Variants in KNDC1 observed in about 807,000 individuals in gnomAD.
The protein encoded by KNDC1 is kinase non-catalytic C-lobe domain containing 1.
KNDC1 carries 106 observed loss-of-function variants against 172.8 expected under a neutral mutation model. The observed-to-expected ratio is 0.61, with a 90% CI of 0.52 to 0.72. KNDC1 has a LOEUF of 0.72. Ranked by LOEUF, KNDC1 falls within the 30% of genes least tolerant of loss-of-function variation. The probability of loss-of-function intolerance (pLI) is 0.00; values close to 1 mark genes in which losing one functional copy is unlikely to be tolerated. For synonymous variants in KNDC1, 1,083 were observed against 1,062.2 expected (o/e 1.02, Z -0.38); for missense variants, 2,325 against 2,394.5 (o/e 0.97, Z 0.61).
chr10:133,175,603 A>ATGGG (rs1376615430), intron 3 of KNDC1, among the ~76,000 whole-genome samples: 2 of 145,366 alleles, frequency 1.4e-5, no homozygotes, highest in Non-Finnish European at 1.5e-5. Context: ...GGATGGATGG[A>ATGGG]TGGGTGGATG....
intron 3 of KNDC1, among the ~76,000 whole-genome samples, chr10:133,176,781 G>A (rs1402955792): frequency 6.6e-6 from 1 of 152,196 alleles, no homozygotes; most frequent in Non-Finnish European, 1.5e-5. Context: ...GGCTGTGCTT[G>A]GTGCTGCTCA....
Position 133,206,534 on chromosome 10 carries a change from C to T in KNDC1, c.3388-151C>T, listed in dbSNP as rs1320423666. ...ACACTGCCCAGGCCGGGGCTGGCCT[C>T]GCTGGCTGAGTGGGCCTCTGTCTCC... On this transcript the variant is annotated intron_variant, in intron 17 of 29. Transcript: ENST00000304613. The T allele has an allele frequency of 1.4e-4, 98 of 707,514 alleles. 1 individual carries two copies. The Admixed American group carries it at 2.1e-3, about 15-fold the overall frequency. The allele number at this position is 707,514 out of a possible 1,614,324, so 43.8% of individuals were successfully genotyped here.
In KNDC1 at chr10:133,209,585, G is replaced by A. The variant is rs1014092522; in HGVS notation, c.3795-1026G>A. Among the ~76,000 whole-genome samples, 7 of 151,998 alleles carry A rather than the reference G, an allele frequency of 4.6e-5. No individual in the cohort carries two copies. The highest frequency in any genetic ancestry group is 1.2e-4 in the African/African-American group (5 of 41,354). On this transcript the variant is annotated intron_variant, in intron 20 of 29. Coordinates refer to ENST00000304613, the MANE Select transcript of KNDC1 (RefSeq NM_152643.8). The surrounding 1 kb of genome is among the most constrained non-coding windows in gnomAD (Gnocchi z 4.9). Reference sequence around the variant, plus strand: ...GTGTGGCTTTGTCCACGTGTGTGGCGTGCGTGTCTGTGGTTGTACAGTTTG... The same window carrying A: ...GTGTGGCTTTGTCCACGTGTGTGGCATGCGTGTCTGTGGTTGTACAGTTTG...
At chr10:133,222,240 G>A (rs919543574) in intron 29 of KNDC1, among the ~76,000 whole-genome samples, 61 of 145,982 alleles carry the variant, frequency 4.2e-4, no homozygotes, top group African/African-American at 1.4e-3. Context: ...CCGAGATCGC[G>A]CCACCGCACT....
rs190239812 is a variant in KNDC1 at position 133,192,572 on chromosome 10, G to A, written c.1575+2759G>A. Among the ~76,000 whole-genome samples the A allele has an allele frequency of 8.5e-5, 13 of 152,186 alleles. No homozygotes were observed. The East Asian group carries it at 2.3e-3, about 27-fold the overall frequency. On this transcript the variant is annotated intron_variant, in intron 9 of 29. Coordinates refer to ENST00000304613, the MANE Select transcript of KNDC1 (RefSeq NM_152643.8). Reference sequence around the variant, plus strand: ...AAACACGCTTGAAACAAATGAAAAAGTTTCAGCAAAGAAATACAAAGTTTC... The same window carrying A: ...AAACACGCTTGAAACAAATGAAAAAATTTCAGCAAAGAAATACAAAGTTTC...
intron 10 of KNDC1, among the ~76,000 whole-genome samples, 171 bp downstream of exon 10, chr10:133,195,992 G>C (rs1044280297): frequency 2.0e-5 from 3 of 152,230 alleles, no homozygotes; most frequent in Non-Finnish European, 2.9e-5. Flanking sequence ...GTCGCATGGG[G>C]AAGGGAGTGG....
rs776477538 is a variant in KNDC1 at position 133,207,403 on chromosome 10, G to A, written c.3794+52G>A. 8 of 1,540,334 alleles carry A rather than the reference G, an allele frequency of 5.2e-6. No individual in the cohort carries two copies. In the African/African-American group the frequency reaches 9.5e-5, roughly 18 times the overall value. ...AAAAGGAGACGTAGCCCGGGGTGCTGAGAAGAGGGGGGGAACGTGCCCTCG... is the reference window on the plus strand; with the variant it reads ...AAAAGGAGACGTAGCCCGGGGTGCTAAGAAGAGGGGGGGAACGTGCCCTCG... On this transcript the variant is annotated intron_variant, in intron 20 of 29. Transcript: ENST00000304613.
intron 3 of KNDC1, among the ~76,000 whole-genome samples, chr10:133,180,314 G>A (rs1004602856): frequency 3.9e-5 from 6 of 152,204 alleles, no homozygotes; most frequent in African/African-American, 1.2e-4. Flanking sequence ...GGCAGGCCCC[G>A]TATGGCTCTG....
chr10:133,194,624 G>C (rs1274018386), intron 9 of KNDC1, among the ~76,000 whole-genome samples: 1 of 152,208 alleles, frequency 6.6e-6, no homozygotes, highest in African/African-American at 2.4e-5. Context: ...TCGTGGGGCT[G>C]TCTGCGTCTG....
At chr10:133,221,429 G>A (rs528678044) in intron 29 of KNDC1, among the ~76,000 whole-genome samples, 21 of 151,736 alleles carry the variant, frequency 1.4e-4, no homozygotes, top group Non-Finnish European at 2.2e-4. Context: ...GCCTCTCCTT[G>A]GAGCCCCAGG....
At chr10:133,197,191 C>CT in intron 11 of KNDC1, 56 bp downstream of exon 11, 1 of 1,395,636 alleles carries the variant, frequency 7.2e-7, no homozygotes, top group African/African-American at 1.4e-5. Flanking sequence ...TTCCTCCCTC[C>CT]TGGACGCACT....
Position 133,213,633 on chromosome 10 carries a change from T to C in KNDC1, c.4444-12T>C, listed in dbSNP as rs779688693. ...TGGAAGCCTGAACCTCTTGTTTCCA[T>C]GTTCTGGGCAGGAGTTGTTTCAAAA... On this transcript the variant is annotated splice_polypyrimidine_tract_variant and intron_variant, in intron 24 of 29. Transcript: ENST00000304613. 18 of 1,612,684 alleles carry C rather than the reference T, an allele frequency of 1.1e-5. No homozygotes were observed. The highest frequency in any genetic ancestry group is 1.6e-4 in the Middle Eastern group (1 of 6,080).
chr10:133,204,657 G>A (rs1240634716), intron 17 of KNDC1, among the ~76,000 whole-genome samples: 2 of 152,222 alleles, frequency 1.3e-5, no homozygotes, highest in Admixed American at 6.5e-5. Flanking sequence ...TAGAAATGTC[G>A]CCTGCATTTT....
chr10:133,168,168 T>C (rs1364612761), intron 2 of KNDC1, 86 bp from the exon 3 acceptor site: 5 of 1,241,660 alleles, frequency 4.0e-6, no homozygotes, highest in Non-Finnish European at 5.9e-6. Flanking sequence ...CTGGGGCCGC[T>C]CCCTCTCCAG....
rs1845549642 is a variant in KNDC1, at chr10:133,220,021, C to T, written c.4927C>T (p.Pro1643Ser). 1.3e-6 allele frequency: 2 copies of T among 1,554,874 alleles called. No homozygotes were observed. The highest frequency in any genetic ancestry group is 1.7e-6 in the Non-Finnish European group (2 of 1,149,180). The stretch of plus-strand genomic sequence containing the variant: ...GCGCTTCCGGGCGCAGCCCACCCTG[C>T]CCTCGGCCCACCTCCTGGCCATGCA... Reference protein sequence around the residue: ...GRRFRAQPTLPSAHLLAMHIQ... With the variant: ...GRRFRAQPTLSSAHLLAMHIQ... The change falls in exon 29 of 30, where the codon CCC (proline) becomes TCC (serine). Residue 1643 changes from proline to serine, a missense_variant. Coordinates refer to ENST00000304613, the MANE Select transcript of KNDC1 (RefSeq NM_152643.8).
chr10:133,181,618 C>G (rs1853718322), intron 3 of KNDC1, among the ~76,000 whole-genome samples: 1 of 152,174 alleles, frequency 6.6e-6, no homozygotes, highest in East Asian at 1.9e-4. Flanking sequence ...GAAGCAGAAA[C>G]CAGCCTGCGG....
chr10:133,199,321 A>AG, intron 14 of KNDC1, 55 bp downstream of exon 14: 1 of 1,548,228 alleles, frequency 6.5e-7, no homozygotes, highest in Non-Finnish European at 8.7e-7. Context: ...AGAGCCCCAC[A>AG]GGGGACTCGG....
chr10:133,206,773 A>G lies in KNDC1; in HGVS notation c.3476A>G (p.Asn1159Ser). 6.2e-7 allele frequency: 1 copy of G among 1,614,086 alleles called. No individual in the cohort carries two copies. Among genetic ancestry groups the G allele is most frequent in the East Asian group, 2.2e-5 (1 of 44,876 alleles). The change falls in exon 18 of 30, where the codon AAC (asparagine) becomes AGC (serine). Residue 1159 changes from asparagine (N) to serine (S), a missense_variant. Coordinates refer to ENST00000304613, the MANE Select transcript of KNDC1 (RefSeq NM_152643.8). ...AAACTCTTACAGAAGGAAAAGAGGA[A>G]CAAAGGTAAGGCCCCTGTGGGCACA... ...YQKLLQKEKR[N>S]KGSDVKTMLS...
At chr10:133,211,104 C>T (rs1845353641) in intron 21 of KNDC1, among the ~76,000 whole-genome samples, 1 of 152,058 alleles carries the variant, frequency 6.6e-6, no homozygotes, top group Non-Finnish European at 1.5e-5. Context: ...CCTCGGTACC[C>T]ATGGCCAGCA....
Sources: allele counts gnomAD v4.1 joint callset (sites outside exome capture counted in the v4.1 genomes callset), GRCh38; gene constraint gnomAD v4.1.1; non-coding constraint Gnocchi (gnomAD v3.1); transcripts MANE v1.5; gene names NCBI Gene and HGNC (gene_info 2026-07-23, HGNC 2026-07-21).